The following SPTLC3 variants were observed in gnomAD, a reference collection of about 807,000 sequenced individuals.
SPTLC3 encodes serine palmitoyltransferase long chain base subunit 3.
Under a neutral mutation model 59.3 loss-of-function variants are expected in SPTLC3, and 36 were observed. The observed-to-expected ratio is 0.61, with a 90% CI of 0.47 to 0.80. SPTLC3 has a LOEUF of 0.80. SPTLC3 is among the 30% of genes least tolerant of loss of function. SPTLC3 has a pLI of 0.00. For synonymous variants in SPTLC3, 257 were observed against 240.8 expected (o/e 1.07, Z -0.62); for missense variants, 625 against 685.1 (o/e 0.91, Z 0.98).
At chr20:13,037,578 T>C (rs1214318886) in intron 1 of SPTLC3, among the ~76,000 whole-genome samples, 3 of 152,164 alleles carry the variant, frequency 2.0e-5, no homozygotes, top group Non-Finnish European at 4.4e-5. Context: ...TTGTTCAGAG[T>C]CTGAGGGAGA....
intron 2 of SPTLC3, among the ~76,000 whole-genome samples, chr20:13,068,033 G>C (rs1988292268): frequency 6.6e-6 from 1 of 152,084 alleles, no homozygotes; most frequent in Non-Finnish European, 1.5e-5. Context: ...AGCATGGTTT[G>C]GGAACTGGAA....
intron 3 of SPTLC3, chr20:13,073,983 A>G: frequency 1.6e-6 from 1 of 607,464 alleles, no homozygotes; most frequent in Non-Finnish European, 3.2e-6. Context: ...GTATATCCTG[A>G]TGACCAATGA....
intron 9 of SPTLC3, among the ~76,000 whole-genome samples, chr20:13,138,829 A>T (rs1480181888): frequency 6.6e-6 from 1 of 152,230 alleles, no homozygotes; most frequent in Non-Finnish European, 1.5e-5. Flanking sequence ...TGAGCTGAGC[A>T]TGCTGGATAA....
intron 3 of SPTLC3, 81 bp downstream of exon 3, chr20:13,072,491 C>CA (rs1459544048): frequency 4.3e-6 from 6 of 1,384,664 alleles, no homozygotes; most frequent in African/African-American, 3.0e-5. Context: ...ATGACAAATC[C>CA]AAAAAAACAA....
intron 1 of SPTLC3, among the ~76,000 whole-genome samples, chr20:13,031,269 T>C (rs1010369563): frequency 6.6e-6 from 1 of 152,196 alleles, no homozygotes; most frequent in Admixed American, 6.5e-5. Context: ...GCACTTGAAA[T>C]GTGGCTAGTG....
At chr20:13,015,582 A>G (rs1985487611) in intron 1 of SPTLC3, among the ~76,000 whole-genome samples, 1 of 152,212 alleles carries the variant, frequency 6.6e-6, no homozygotes, top group South Asian at 2.1e-4. Context: ...AAGTTAACCT[A>G]TCAGTTTCTG....
intron 1 of SPTLC3, among the ~76,000 whole-genome samples, chr20:13,032,758 C>T (rs1986553448): frequency 6.6e-6 from 1 of 152,164 alleles, no homozygotes; most frequent in Admixed American, 6.6e-5. Flanking sequence ...CTTCACTCAC[C>T]ACTCTGGCTG....
intron 4 of SPTLC3, among the ~76,000 whole-genome samples, chr20:13,083,937 T>C (rs1173398799): frequency 6.6e-6 from 1 of 152,164 alleles, no homozygotes; most frequent in Non-Finnish European, 1.5e-5. Context: ...GAGGAGTCTA[T>C]GTTGAGGATA....
At chr20:13,030,653 G>A (rs1333888604) in intron 1 of SPTLC3, among the ~76,000 whole-genome samples, 1 of 152,032 alleles carries the variant, frequency 6.6e-6, no homozygotes, top group African/African-American at 2.4e-5. Context: ...CTAGGAACTG[G>A]GGTACTACTA....
At chr20:13,022,963 C>T (rs531851481) in intron 1 of SPTLC3, among the ~76,000 whole-genome samples, 30 of 152,304 alleles carry the variant, frequency 2.0e-4, no homozygotes, top group African/African-American at 6.3e-4. Flanking sequence ...CTGCTACTTT[C>T]CCTGAGCTCA....
At chr20:13,086,168 A>T (rs1219932187) in intron 4 of SPTLC3, among the ~76,000 whole-genome samples, 1 of 152,244 alleles carries the variant, frequency 6.6e-6, no homozygotes, top group East Asian at 1.9e-4. Context: ...CTTGATTTCT[A>T]GAATTACCTA....
intron 4 of SPTLC3, among the ~76,000 whole-genome samples, chr20:13,078,024 C>A (rs1474993505): frequency 1.3e-5 from 2 of 150,556 alleles, no homozygotes; most frequent in Admixed American, 6.6e-5. Context: ...GCTAGCATAA[C>A]CTTGATTTCC....
At chr20:13,113,778 T>C (rs895653778) in intron 7 of SPTLC3, among the ~76,000 whole-genome samples, 2 of 152,202 alleles carry the variant, frequency 1.3e-5, no homozygotes, top group African/African-American at 2.4e-5. Context: ...TATTGTCACA[T>C]TGATTTTCAG....
chr20:13,055,796 T>C (rs1987697604), intron 2 of SPTLC3, among the ~76,000 whole-genome samples: 1 of 151,884 alleles, frequency 6.6e-6, no homozygotes, highest in African/African-American at 2.4e-5. Flanking sequence ...GAGAAGGAAA[T>C]GGCATGGCTC....
rs577714045 is a variant in SPTLC3 at position 13,107,254 on chromosome 20, T to A, written c.827-2858T>A. On this transcript the variant is annotated intron_variant, in intron 6 of 11. Coordinates refer to ENST00000399002, the MANE Select transcript of SPTLC3 (RefSeq NM_018327.4). ...TTACCCAGATGATTATTTCTATTCA[T>A]CCTGAAGGTTGAGAACCACTGGAAG... 3.3e-5 allele frequency among the ~76,000 whole-genome samples: 5 copies of A among 151,954 alleles called. No homozygotes were observed. The East Asian group carries it at 9.7e-4, about 29-fold the overall frequency.
intron 4 of SPTLC3, chr20:13,079,633 T>C (rs1374390632): frequency 3.0e-6 from 1 of 328,174 alleles, no homozygotes; most frequent in Non-Finnish European, 6.4e-6. Flanking sequence ...GAGGACCCTG[T>C]TAGGAATGTC....
At chr20:13,140,035 T>A (rs1230460779) in intron 9 of SPTLC3, among the ~76,000 whole-genome samples, 1 of 152,170 alleles carries the variant, frequency 6.6e-6, no homozygotes, top group African/African-American at 2.4e-5. Flanking sequence ...CAAAGCTGTG[T>A]ACTTTCTGGA....
At chr20:13,090,563 T>C (rs556291067) in intron 4 of SPTLC3, among the ~76,000 whole-genome samples, 12 of 152,246 alleles carry the variant, frequency 7.9e-5, no homozygotes, top group African/African-American at 2.9e-4. Context: ...TACAGCATGG[T>C]GAAAAGTGCA....
intron 1 of SPTLC3, among the ~76,000 whole-genome samples, chr20:13,023,132 T>G (rs1985973759): frequency 6.6e-6 from 1 of 151,900 alleles, no homozygotes; most frequent in African/African-American, 2.4e-5. Flanking sequence ...CTACTTGAAG[T>G]CTTCACTCAC....
Sources: gnomAD v4.1 joint callset for allele counts (sites outside exome capture counted in the v4.1 genomes callset) on GRCh38, gnomAD v4.1.1 for gene constraint, MANE v1.5 for transcripts, NCBI Gene and HGNC (gene_info 2026-07-23, HGNC 2026-07-21) for gene names.